KIAA1671: variants seen among roughly 807,000 people sequenced by gnomAD.
KIAA1671 encodes KIAA1671.
In KIAA1671, 52 loss-of-function variants were observed where a neutral mutation model predicts 131.2. The ratio of observed to expected loss-of-function variants is 0.40; its 90% CI spans 0.32 to 0.50. KIAA1671 has a LOEUF of 0.50. Among genes scored for constraint, KIAA1671 ranks in the 20% least tolerant of loss-of-function variants. KIAA1671 has a pLI of 0.73. For missense variants in KIAA1671, 2,360 were observed against 2,364.2 expected (o/e 1.00, Z 0.04); for synonymous variants, 1,003 against 961.6 (o/e 1.04, Z -0.80).
intron 6 of KIAA1671, among the ~76,000 whole-genome samples, chr22:25,101,495 G>T (rs991377065): frequency 6.6e-6 from 1 of 151,032 alleles, no homozygotes; most frequent in Admixed American, 6.6e-5. Flanking sequence ...GATTTTTATT[G>T]ATTGATTGAT....
chr22:25,065,085 TAGGCAGGGAGGCTGAGC>T (rs1185336370), intron 6 of KIAA1671: 2 of 152,306 alleles, frequency 1.3e-5, no homozygotes, highest in African/African-American at 4.8e-5. Context: ...TGCCTGAGCA[TAGGCAGGGAGGCTGAGC>T]AGCCACGTGT....
At chr22:25,036,299 C>T (rs1040557094) in intron 4 of KIAA1671, among the ~76,000 whole-genome samples, 1 of 151,752 alleles carries the variant, frequency 6.6e-6, no homozygotes, top group African/African-American at 2.4e-5. Context: ...AGGCTGGTCT[C>T]GAACTCCCGA....
chr22:25,145,783 A>G (rs977531392), intron 6 of KIAA1671, among the ~76,000 whole-genome samples: 7 of 152,050 alleles, frequency 4.6e-5, no homozygotes, highest in Admixed American at 2.6e-4. Context: ...TACAAAAAAA[A>G]TTAAAAACTA....
At position 25,149,838 on chromosome 22, in the gene KIAA1671, A is replaced by G. The variant is rs1054013571; in HGVS notation, c.4531-20982A>G. 5.3e-5 allele frequency among the ~76,000 whole-genome samples: 8 copies of G among 151,616 alleles called. No homozygotes were observed. The East Asian group carries it at 7.9e-4, about 15-fold the overall frequency. ...ACATGGTCCCTGTACCTTTGCCCTA[A>G]CTGCTCTTTCCCTTCCCTGGCTAAT... On this transcript the variant is annotated intron_variant, in intron 6 of 12. Transcript: ENST00000358431.
At chr22:24,960,686 G>C (rs5760759) in intron 1 of KIAA1671, among the ~76,000 whole-genome samples, 56,174 of 122,948 alleles carry the variant, frequency 0.46, 14,525 homozygotes, top group East Asian at 0.77. Context: ...TGCTATGACC[G>C]AGTGCCGCAG....
intron 2 of KIAA1671, among the ~76,000 whole-genome samples, chr22:25,027,703 G>A (rs1049969341): frequency 6.6e-6 from 1 of 152,192 alleles, no homozygotes; most frequent in East Asian, 1.9e-4. Context: ...CCAGAGTGTT[G>A]ATGCCTTTTC....
intron 6 of KIAA1671, among the ~76,000 whole-genome samples, chr22:25,162,235 T>C (rs972547761): frequency 2.6e-5 from 4 of 152,238 alleles, no homozygotes; most frequent in African/African-American, 4.8e-5. Context: ...GGTACTGGTC[T>C]GGCCTGGACA....
chr22:25,066,591 T>C (rs557988059), intron 6 of KIAA1671, among the ~76,000 whole-genome samples: 1 of 152,166 alleles, frequency 6.6e-6, no homozygotes, highest in Non-Finnish European at 1.5e-5. Flanking sequence ...ACACATACAT[T>C]CAAACCATAG....
At chr22:25,133,510 A>G (rs1190140765) in intron 6 of KIAA1671, among the ~76,000 whole-genome samples, 6 of 152,304 alleles carry the variant, frequency 3.9e-5, no homozygotes, top group East Asian at 1.9e-4. Context: ...TTGTCTTTAT[A>G]TAGTCAATGT....
chr22:25,188,010 G>A (rs1261889547), intron 11 of KIAA1671, among the ~76,000 whole-genome samples: 2 of 152,118 alleles, frequency 1.3e-5, no homozygotes, highest in East Asian at 1.9e-4. Flanking sequence ...ATTTAAAAAC[G>A]TTTGAACAGG....
At chr22:25,005,288 C>T (rs996676287) in intron 1 of KIAA1671, among the ~76,000 whole-genome samples, 3 of 146,290 alleles carry the variant, frequency 2.1e-5, no homozygotes, top group African/African-American at 5.1e-5. Context: ...GCGGAGGTTG[C>T]AGTGAGCCAA....
At chr22:25,041,714 C>T (rs1257431226) in intron 5 of KIAA1671, among the ~76,000 whole-genome samples, 189 bp downstream of exon 5, 1 of 151,918 alleles carries the variant, frequency 6.6e-6, no homozygotes, top group Non-Finnish European at 1.5e-5. Flanking sequence ...AACTGGACAA[C>T]TGCTGCTTGG....
At chr22:24,993,507 C>G (rs1369661157) in intron 1 of KIAA1671, among the ~76,000 whole-genome samples, 1 of 152,210 alleles carries the variant, frequency 6.6e-6, no homozygotes, top group East Asian at 1.9e-4. Context: ...TAGGTCACCT[C>G]CTCCAGGAAT....
At chr22:24,979,170 ATTTTT>A (rs71191010) in intron 1 of KIAA1671, among the ~76,000 whole-genome samples, 6 of 81,718 alleles carry the variant, frequency 7.3e-5, no homozygotes, top group African/African-American at 2.8e-4. Flanking sequence ...TAATTTTTGT[ATTTTT>A]TTTTTTTTTT....
At position 25,049,259 on chromosome 22, in the gene KIAA1671, T is replaced by C. The variant is rs1264498798; in HGVS notation, c.4425T>C (p.Asp1475=). Residue 1475 remains aspartate, a synonymous_variant, in exon 6 of 13, where the codon GAT becomes GAC. Coordinates refer to ENST00000358431, the MANE Select transcript of KIAA1671 (RefSeq NM_001145206.2). ...KVLPRDLEKE[D]APQEKERPLQ... ...TGCCACGGGACCTGGAGAAGGAGGATGCCCCCCAGGAGAAGGAGCGACCGC... is the reference window on the plus strand; with the variant it reads ...TGCCACGGGACCTGGAGAAGGAGGACGCCCCCCAGGAGAAGGAGCGACCGC... 1.3e-6 allele frequency: 2 copies of C among 1,551,944 alleles called. No individual in the cohort carries two copies. The highest frequency in any genetic ancestry group is 1.4e-5 in the African/African-American group (1 of 73,052).
intron 6 of KIAA1671, among the ~76,000 whole-genome samples, chr22:25,105,366 G>A (rs531655638): frequency 6.6e-6 from 1 of 152,258 alleles, no homozygotes; most frequent in African/African-American, 2.4e-5. Flanking sequence ...TAGAAATGGC[G>A]ATCTCTGTGT....
At chr22:25,063,755 T>G (rs1928307493) in intron 6 of KIAA1671, 1 of 152,190 alleles carries the variant, frequency 6.6e-6, no homozygotes, top group Non-Finnish European at 1.5e-5. Flanking sequence ...TCCTTGACAT[T>G]TTAGTGTGTG....
intron 6 of KIAA1671, chr22:25,062,837 C>CGCCCCACCT: frequency 7.0e-6 from 1 of 142,700 alleles, no homozygotes; most frequent in Middle Eastern, 3.5e-3. Context: ...CCCCGCCACC[C>CGCCCCACCT]GCCACTCCCT....
intron 1 of KIAA1671, among the ~76,000 whole-genome samples, chr22:24,982,374 G>A (rs1200507028): frequency 6.6e-6 from 1 of 152,204 alleles, no homozygotes; most frequent in Non-Finnish European, 1.5e-5. Context: ...AGCAAGTGTC[G>A]CGGAAGTGTT....
Sources: gnomAD v4.1 joint callset for allele counts (sites outside exome capture counted in the v4.1 genomes callset) on GRCh38, gnomAD v4.1.1 for gene constraint, MANE v1.5 for transcripts, NCBI Gene and HGNC (gene_info 2026-07-23, HGNC 2026-07-21) for gene names.